NIFK: variants seen among roughly 807,000 people sequenced by gnomAD.
NIFK encodes MKI67 FHA domain-interacting nucleolar phosphoprotein.
In NIFK, 16 loss-of-function variants were observed where a neutral mutation model predicts 31.7. That is an observed-to-expected ratio of 0.50 (90% confidence interval 0.34 to 0.77). The LOEUF (loss-of-function observed/expected upper bound fraction) is 0.77, where lower values mean the gene tolerates loss of function less well. NIFK is among the 30% of genes least tolerant of loss of function. The pLI is 0.01. For synonymous variants in NIFK, 126 were observed against 123.0 expected, an observed-to-expected ratio of 1.02 and a Z score of -0.16; for missense variants, 341 against 350.4, an observed-to-expected ratio of 0.97 and a Z score of 0.21.
Position 121,728,119 on chromosome 2 carries a change from T to C in NIFK, c.693+169A>G, listed in dbSNP as rs958138381. On this transcript the variant is annotated intron_variant, in intron 6 of 6. Coordinates refer to ENST00000285814, the MANE Select transcript of NIFK (RefSeq NM_032390.5). ...AAATTCACAATTAACAAATATAGCA[T>C]GTTCCATTATAAGGTTTTAGGCAGA... 7.3e-6 allele frequency: 5 copies of C among 680,894 alleles called. No homozygotes were observed. In the African/African-American group the frequency reaches 9.2e-5, roughly 12 times the overall value. 42.2% of individuals were successfully genotyped at this position (680,894 alleles called of 1,614,324 possible).
At position 121,730,947 on chromosome 2, in the gene NIFK, TC is replaced by T. The variant is rs1442053989; in HGVS notation, c.509del (p.Arg170AsnfsTer7). Reference protein sequence around the residue: ...RMEERFKKKERLLRKKLAKKG... With the variant: ...RMEERFKKKEXLLRKKLAKKG... ...TTTTAGCTAATTTCTTCCTGAGTAA[TC>T]TTTCTTTCTTTTTAAATCGCTCCTC... On this transcript the variant is annotated frameshift_variant, in exon 4 of 7. Transcript: ENST00000285814. LOFTEE classifies it high-confidence loss of function. 1 of 1,613,162 alleles carries T rather than the reference TC, an allele frequency of 6.2e-7. No individual in the cohort carries two copies. The highest frequency in any genetic ancestry group is 2.2e-5 in the East Asian group (1 of 44,874).
At chr2:121,727,989 C>T in intron 6 of NIFK, 77 bp from the exon 7 acceptor site, 1 of 1,315,438 alleles carries the variant, frequency 7.6e-7, no homozygotes, top group Non-Finnish European at 1.0e-6. Flanking sequence ...ATCATCTCTC[C>T]TCTATTTTTA....
intron 1 of NIFK, among the ~76,000 whole-genome samples, chr2:121,736,023 C>A (rs1435134925): frequency 6.6e-6 from 1 of 152,160 alleles, no homozygotes; most frequent in South Asian, 2.1e-4. Context: ...TTGAACAAGC[C>A]ATTTTAGATC....
chr2:121,736,375 G>A (rs2074580339), intron 1 of NIFK, among the ~76,000 whole-genome samples: 1 of 152,218 alleles, frequency 6.6e-6, no homozygotes. Flanking sequence ...TGGGGGAAAC[G>A]CGGAAGCGTG....
At position 121,731,011 on chromosome 2, in the gene NIFK, T is replaced by TA; in HGVS notation, c.445dup (p.Tyr149LeufsTer2). On this transcript the variant is annotated frameshift_variant, in exon 4 of 7. Coordinates refer to ENST00000285814, the MANE Select transcript of NIFK (RefSeq NM_032390.5). LOFTEE classifies it high-confidence loss of function. Reference sequence around the variant, plus strand: ...TTGTGTTAGTGTCCGATTCCGATTATACCGTTTCACTGATGGATATGATGG... The same window carrying TA: ...TTGTGTTAGTGTCCGATTCCGATTATAACCGTTTCACTGATGGATATGATGG... 1 of 1,612,716 alleles carries TA rather than the reference T, an allele frequency of 6.2e-7. No homozygotes were observed. The highest frequency in any genetic ancestry group is 8.5e-7 in the Non-Finnish European group (1 of 1,178,718).
chr2:121,730,739 G>T (rs2074532058), intron 4 of NIFK, 154 bp downstream of exon 4: 5 of 616,344 alleles, frequency 8.1e-6, no homozygotes, highest in Non-Finnish European at 1.2e-5. Flanking sequence ...AACTACTTGG[G>T]AGGCTAGAGG....
chr2:121,728,101 C>A, intron 6 of NIFK, 187 bp downstream of exon 6: 1 of 699,542 alleles, frequency 1.4e-6, no homozygotes, highest in Admixed American at 3.5e-5. Flanking sequence ...CAGAAATTCA[C>A]AATTAACAAA....
In NIFK at chr2:121,730,071, G is replaced by A. The variant is rs140960761; in HGVS notation, c.564+822C>T. Among the ~76,000 whole-genome samples the A allele has an allele frequency of 3.5e-3, 527 of 152,056 alleles. 6 individuals are homozygous for A. Among genetic ancestry groups the A allele is most frequent in the African/African-American group, 0.012 (481 of 41,448 alleles). On this transcript the variant is annotated intron_variant, in intron 4 of 6. Transcript: ENST00000285814. ...CTACTAAAAATACAAAAAATTAGCC[G>A]GGTATGGTGGCACGCACCTGTAATC...
chr2:121,728,731 G>T, intron 4 of NIFK, 195 bp from the exon 5 acceptor site: 1 of 490,526 alleles, frequency 2.0e-6, no homozygotes, highest in East Asian at 3.4e-5. Context: ...GGAATTGACA[G>T]AGCTGCAGAG....
rs766737986 is a variant in NIFK, at chr2:121,736,700, C to G, written c.105+46G>C. The G allele has an allele frequency of 4.6e-6, 7 of 1,523,058 alleles. No individual in the cohort carries two copies. In the East Asian group the frequency reaches 9.0e-5, roughly 20 times the overall value. 94.3% of individuals were successfully genotyped at this position (1,523,058 alleles called of 1,614,324 possible). On this transcript the variant is annotated intron_variant, in intron 1 of 6. Coordinates refer to ENST00000285814, the MANE Select transcript of NIFK (RefSeq NM_032390.5). ...TGCAACCCCAGATACCCTCTAGACC[C>G]GGTCCATCGCCCCCGCTCGCAGCCT...
chr2:121,728,948 C>T (rs1446276842), intron 4 of NIFK, among the ~76,000 whole-genome samples: 1 of 152,098 alleles, frequency 6.6e-6, no homozygotes, highest in Non-Finnish European at 1.5e-5. Context: ...GGCCTAAGGC[C>T]TTGGCGAAAT....
chr2:121,728,169 T>C (rs2074505508), intron 6 of NIFK, 119 bp downstream of exon 6: 1 of 750,262 alleles, frequency 1.3e-6, no homozygotes, highest in African/African-American at 1.8e-5. Context: ...ACAATAAAGA[T>C]CTACCAAATG....
At position 121,727,004 on chromosome 2, in the gene NIFK, T is replaced by A. The variant is rs967212357; in HGVS notation, c.*720A>T. 4.4e-5 allele frequency: 7 copies of A among 158,638 alleles called. No homozygotes were observed. The highest frequency in any genetic ancestry group is 1.8e-4 in the South Asian group (1 of 5,468). The allele number at this position is 158,638 out of a possible 1,614,324, so 9.8% of individuals were successfully genotyped here. On this transcript the variant is annotated 3_prime_UTR_variant, in exon 7 of 7. Transcript: ENST00000285814. ...TTAATGAAGGGGAAAATTTATTATT[T>A]TTTTTTCCCAATGACTCCCAAGTCC... is the stretch of plus-strand genomic sequence containing the variant.
chr2:121,729,381 A>G (rs928630752), intron 4 of NIFK, among the ~76,000 whole-genome samples: 6 of 151,716 alleles, frequency 4.0e-5, no homozygotes, highest in East Asian at 1.9e-4. Flanking sequence ...AAAAAAAAAA[A>G]AAAAGAAAAG....
intron 4 of NIFK, among the ~76,000 whole-genome samples, chr2:121,729,060 G>C (rs2074516760): frequency 6.6e-6 from 1 of 152,046 alleles, no homozygotes; most frequent in African/African-American, 2.4e-5. Context: ...TTCTGGATAA[G>C]GTTAAAAACC....
rs2074505250 is a variant in NIFK, at chr2:121,728,120, G to A, written c.693+168C>T. ...AATTCACAATTAACAAATATAGCAT[G>A]TTCCATTATAAGGTTTTAGGCAGAA... On this transcript the variant is annotated intron_variant, in intron 6 of 6. Coordinates refer to ENST00000285814, the MANE Select transcript of NIFK (RefSeq NM_032390.5). The A allele has an allele frequency of 1.3e-5, 9 of 681,534 alleles. 1 individual carries two copies. The South Asian group carries it at 1.6e-4, about 12-fold the overall frequency. 42.2% of individuals were successfully genotyped at this position (681,534 alleles called of 1,614,324 possible).
At chr2:121,730,427 A>G (rs2074529497) in intron 4 of NIFK, 2 of 157,342 alleles carry the variant, frequency 1.3e-5, no homozygotes, top group African/African-American at 4.8e-5. Flanking sequence ...GCTACTCGGG[A>G]GGCTGAGGCA....
At chr2:121,733,591 A>C (rs1184015919) in intron 2 of NIFK, among the ~76,000 whole-genome samples, 1 of 151,830 alleles carries the variant, frequency 6.6e-6, no homozygotes, top group Non-Finnish European at 1.5e-5. Context: ...GGGCAGGAGA[A>C]TCACTTGAAT....
rs561007941 is a variant in NIFK, at chr2:121,727,863, T to TGA, written c.741_742dup (p.Gln248LeufsTer6). 1,356 of 1,606,770 alleles carry TGA rather than the reference T, an allele frequency of 8.4e-4. 5 individuals are homozygous for TGA. The highest frequency in any genetic ancestry group is 9.3e-4 in the Non-Finnish European group (1,093 of 1,175,560). On this transcript the variant is annotated frameshift_variant, in exon 7 of 7. Transcript: ENST00000285814. LOFTEE classifies it low-confidence loss of function (END_TRUNC). ...ATCATCATCATTCAGTTCAGCCACT[T>TGA]GAGATTTTCGCCTCTCCAAAAATGT...
Sources: gnomAD v4.1 joint callset for allele counts (sites outside exome capture counted in the v4.1 genomes callset) on GRCh38, gnomAD v4.1.1 for gene constraint, MANE v1.5 for transcripts, NCBI Gene and HGNC (gene_info 2026-07-23, HGNC 2026-07-21) for gene names.